Variants in PITPNM2 observed in about 807,000 individuals in gnomAD.
PITPNM2 encodes membrane-associated phosphatidylinositol transfer protein 2.
A neutral mutation model predicts 132.2 loss-of-function variants in PITPNM2; 35 were observed. The observed-to-expected ratio is 0.26, with a 90% CI of 0.20 to 0.35. PITPNM2 has a LOEUF of 0.35. Among genes scored for constraint, PITPNM2 ranks in the 10% least tolerant of loss-of-function variants. PITPNM2 has a pLI of 1.00. For synonymous variants in PITPNM2, 738 were observed against 799.2 expected, an observed-to-expected ratio of 0.92 and a Z score of 1.29; for missense variants, 1,332 against 1,912.0, an observed-to-expected ratio of 0.70 and a Z score of 5.66.
rs570716930 is a variant in PITPNM2 at position 123,088,649 on chromosome 12, C to G, written c.-96+21736G>C. ...GATAATCAAAGATCTTCCCTGCTCC[C>G]CGCAAAATATCCCCAGGCCCAGAGA... On this transcript the variant is annotated intron_variant, in intron 2 of 25. Transcript: ENST00000320201. 3.3e-5 allele frequency: 5 copies of G among 152,270 alleles called. No individual in the cohort carries two copies. The South Asian group carries it at 1.0e-3, about 32-fold the overall frequency. The allele number at this position is 152,270 out of a possible 1,614,324, so 9.4% of individuals were successfully genotyped here. A position where few individuals can be genotyped will look rare whatever the true frequency, so the allele number is the denominator to read the frequency against.
chr12:123,010,971 G>A (rs1176587122), intron 5 of PITPNM2, among the ~76,000 whole-genome samples: 1 of 152,212 alleles, frequency 6.6e-6, no homozygotes, highest in South Asian at 2.1e-4. Flanking sequence ...GACAGGACCT[G>A]GTGAGGGTGA....
At chr12:123,075,322 C>T (rs916809041) in intron 2 of PITPNM2, among the ~76,000 whole-genome samples, 2 of 152,232 alleles carry the variant, frequency 1.3e-5, no homozygotes, top group African/African-American at 4.8e-5. Context: ...AAGCTAGGCA[C>T]GGGCTGGGCG....
At chr12:123,086,073 C>T (rs763807446) in intron 2 of PITPNM2, among the ~76,000 whole-genome samples, 5 of 152,230 alleles carry the variant, frequency 3.3e-5, no homozygotes, top group South Asian at 2.1e-4. Context: ...CTGCTTCCTA[C>T]GTTTATTTAG....
At chr12:122,988,412 G>A in intron 19 of PITPNM2, 62 bp from the exon 20 acceptor site, 2 of 1,421,320 alleles carry the variant, frequency 1.4e-6, no homozygotes, top group South Asian at 2.3e-5. Flanking sequence ...CCTGCCCTGG[G>A]AGGAGGAGGC....
chr12:123,004,468 A>C lies in PITPNM2; in HGVS notation c.974T>G (p.Ile325Ser). ...KRGASPSRHSISEWRMQSIAR... is the reference protein window; with the variant it reads ...KRGASPSRHSSSEWRMQSIAR... ...AATACTCTGCATCCTCCACTCTGAG[A>C]TGCTGTGGCGGGAAGGACTCGCTGG... is the stretch of plus-strand genomic sequence containing the variant. The change falls in exon 8 of 26, where the codon ATC becomes AGC. Residue 325 changes from isoleucine to serine, a missense_variant. Ile to Ser is a moderately radical substitution (Grantham distance 142, BLOSUM62 -2). Around this residue, in one of 6 missense-constraint regions of PITPNM2, gnomAD observed 710 missense variants for 911.5 expected, o/e 0.78. Transcript: ENST00000320201. This position sits in a 1 kb window ranked among gnomAD's most constrained non-coding sequence, Gnocchi z 4.9. 2 of 1,613,968 alleles carry C rather than the reference A, an allele frequency of 1.2e-6. No individual in the cohort carries two copies. Among genetic ancestry groups the C allele is most frequent in the Non-Finnish European group, 1.7e-6 (2 of 1,180,006 alleles).
chr12:123,010,155 C>A (rs2039123034), intron 5 of PITPNM2, 78 bp from the exon 6 acceptor site: 5 of 1,224,074 alleles, frequency 4.1e-6, no homozygotes, highest in Non-Finnish European at 5.9e-6. Flanking sequence ...TCCTCCACCC[C>A]CAAATCCTCC....
At chr12:123,100,050 A>C (rs545486857) in intron 2 of PITPNM2, among the ~76,000 whole-genome samples, 1 of 152,358 alleles carries the variant, frequency 6.6e-6, no homozygotes, top group East Asian at 1.9e-4. Context: ...GACCATATGC[A>C]GTAAGGACTA....
At chr12:123,045,159 A>G (rs548081726) in intron 2 of PITPNM2, among the ~76,000 whole-genome samples, 1 of 152,266 alleles carries the variant, frequency 6.6e-6, no homozygotes, top group Middle Eastern at 3.4e-3. Flanking sequence ...CTCATTCACC[A>G]TCAGCATTCA....
intron 2 of PITPNM2, among the ~76,000 whole-genome samples, chr12:123,093,747 G>A (rs532111498): frequency 6.6e-6 from 1 of 152,258 alleles, no homozygotes; most frequent in African/African-American, 2.4e-5. Flanking sequence ...GCCCAGGAGA[G>A]ACTGCTCTTC....
At chr12:123,076,998 C>T (rs1566280844) in intron 2 of PITPNM2, among the ~76,000 whole-genome samples, 1 of 152,154 alleles carries the variant, frequency 6.6e-6, no homozygotes, top group South Asian at 2.1e-4. Context: ...CCCCGGGCTG[C>T]GCTGCTGAGG....
chr12:123,026,366 C>T (rs1056701617), intron 3 of PITPNM2, among the ~76,000 whole-genome samples: 2 of 152,238 alleles, frequency 1.3e-5, no homozygotes, highest in Non-Finnish European at 1.5e-5. Flanking sequence ...AGGGTCTACC[C>T]GTAGAACCTT....
At position 123,083,363 on chromosome 12, in the gene PITPNM2, A is replaced by G. The variant is rs2042019255; in HGVS notation, c.-96+27022T>C. The G allele has an allele frequency of 6.6e-6, 1 of 152,214 alleles. No homozygotes were observed. Among genetic ancestry groups the G allele is most frequent in the South Asian group, 2.1e-4 (1 of 4,828 alleles). The allele number at this position is 152,214 out of a possible 1,614,324, so 9.4% of individuals were successfully genotyped here. On this transcript the variant is annotated intron_variant, in intron 2 of 25. Transcript: ENST00000320201. The surrounding 1 kb of genome is among the most constrained non-coding windows in gnomAD (Gnocchi z 4.5). The stretch of plus-strand genomic sequence containing the variant: ...GGATGAACCAATGGATGGATGGATG[A>G]ATGAAGACCCTGTATAGGTCAATGC...
intron 3 of PITPNM2, among the ~76,000 whole-genome samples, chr12:123,017,200 G>A (rs1473587125): frequency 2.0e-5 from 3 of 151,622 alleles, no homozygotes; most frequent in Admixed American, 6.6e-5. Context: ...GTGAAACACC[G>A]TCTCTACTAA....
At chr12:123,056,764 C>A (rs909659237) in intron 2 of PITPNM2, among the ~76,000 whole-genome samples, 2 of 152,174 alleles carry the variant, frequency 1.3e-5, no homozygotes, top group African/African-American at 4.8e-5. Flanking sequence ...CTCTCCATAC[C>A]CAGCCCAATC....
chr12:123,050,355 G>A (rs2040818451), intron 2 of PITPNM2, among the ~76,000 whole-genome samples: 3 of 152,180 alleles, frequency 2.0e-5, no homozygotes, highest in Non-Finnish European at 2.9e-5. Flanking sequence ...GAAACTCAAT[G>A]CTCAGAAGCA....
In PITPNM2 at chr12:123,078,060, GAGGA is replaced by G. The variant is rs1566281481; in HGVS notation, c.-96+32321_-96+32324del. ...GCTGGGAGACTGGGCAGGGATGCCG[GAGGA>G]AGGGAGAAAGGCAGGCCGGAGAGGA... On this transcript the variant is annotated intron_variant, in intron 2 of 25. Transcript: ENST00000320201. This position sits in a 1 kb window ranked among gnomAD's most constrained non-coding sequence, Gnocchi z 7.3. 6.6e-6 allele frequency among the ~76,000 whole-genome samples: 1 copy of G among 151,742 alleles called. No individual in the cohort carries two copies. Among genetic ancestry groups the G allele is most frequent in the East Asian group, 2.0e-4 (1 of 5,118 alleles).
intron 2 of PITPNM2, among the ~76,000 whole-genome samples, chr12:123,087,063 T>G (rs555302374): frequency 2.2e-4 from 33 of 152,274 alleles, no homozygotes; most frequent in African/African-American, 7.9e-4. Context: ...TGTTCTGGCT[T>G]ACGAGGCATT....
chr12:123,089,661 T>G (rs1364682302), intron 2 of PITPNM2: 1 of 152,206 alleles, frequency 6.6e-6, no homozygotes, highest in Non-Finnish European at 1.5e-5. Context: ...CTATCACTAC[T>G]CATGCAAACA....
intron 2 of PITPNM2, among the ~76,000 whole-genome samples, chr12:123,052,113 G>T (rs1329547175): frequency 1.5e-5 from 2 of 130,008 alleles, no homozygotes; most frequent in African/African-American, 2.9e-5. Flanking sequence ...TTTTAGTAGA[G>T]ACCCGGTTTC....
Sources: gnomAD v4.1 joint callset for allele counts (sites outside exome capture counted in the v4.1 genomes callset) on GRCh38, gnomAD v4.1.1 for gene constraint, gnomAD v4.1.1 regional missense constraint, Gnocchi (gnomAD v3.1) non-coding constraint, MANE v1.5 for transcripts, NCBI Gene and HGNC (gene_info 2026-07-23, HGNC 2026-07-21) for gene names.